The following PPM1L variants were observed in gnomAD, a reference collection of about 807,000 sequenced individuals.
PPM1L encodes protein phosphatase, Mg2+/Mn2+ dependent 1L, also known as protein phosphatase 1L.
In PPM1L, 13 loss-of-function variants were observed where a neutral mutation model predicts 31.4. The observed-to-expected ratio is 0.41, with a 90% CI of 0.27 to 0.66. The LOEUF is 0.66. Among genes scored for constraint, PPM1L ranks in the 30% least tolerant of loss-of-function variants. PPM1L has a pLI of 0.29. For synonymous variants in PPM1L, 184 were observed against 175.4 expected (o/e 1.05, Z -0.39); for missense variants, 326 against 453.7 (o/e 0.72, Z 2.56).
chr3:160,993,172 T>C (rs771361602), intron 2 of PPM1L, among the ~76,000 whole-genome samples: 11 of 152,168 alleles, frequency 7.2e-5, no homozygotes, highest in Non-Finnish European at 1.2e-4. Flanking sequence ...TTAGCTGATA[T>C]TATATGCTAA....
chr3:161,022,149 C>CCTTA, intron 2 of PPM1L: 1 of 661,496 alleles, frequency 1.5e-6, no homozygotes, highest in Non-Finnish European at 2.7e-6. Flanking sequence ...TTTTTTTTAC[C>CCTTA]CTTAGTTACT....
intron 1 of PPM1L, among the ~76,000 whole-genome samples, chr3:160,764,099 T>C (rs1006003833): frequency 6.6e-6 from 1 of 152,300 alleles, no homozygotes; most frequent in Admixed American, 6.5e-5. Context: ...TTTGGTGTAT[T>C]GCTTGCTGGT....
chr3:160,920,691 T>G (rs1035677112), intron 1 of PPM1L, among the ~76,000 whole-genome samples: 6 of 150,672 alleles, frequency 4.0e-5, no homozygotes, highest in Non-Finnish European at 8.9e-5. Context: ...AGAGTATTTG[T>G]TTCGGACAAT....
At chr3:160,769,512 AG>A (rs1715192644) in intron 1 of PPM1L, among the ~76,000 whole-genome samples, 1 of 152,154 alleles carries the variant, frequency 6.6e-6, no homozygotes, top group Admixed American at 6.5e-5. Flanking sequence ...TTGGTGCAAA[AG>A]TAATTGCAGT....
intron 1 of PPM1L, among the ~76,000 whole-genome samples, chr3:160,788,972 AT>A (rs945499300): frequency 2.6e-5 from 4 of 151,876 alleles, no homozygotes; most frequent in Non-Finnish European, 5.9e-5. Flanking sequence ...AATATACTTT[AT>A]TTTTGTAAGT....
intron 1 of PPM1L, among the ~76,000 whole-genome samples, chr3:160,848,139 A>C (rs1714139348): frequency 6.6e-6 from 1 of 152,198 alleles, no homozygotes; most frequent in South Asian, 2.1e-4. Flanking sequence ...ATATTTAATA[A>C]ATGTATTCTG....
At chr3:160,814,727 G>T (rs1474272628) in intron 1 of PPM1L, among the ~76,000 whole-genome samples, 2 of 146,788 alleles carry the variant, frequency 1.4e-5, no homozygotes, top group Non-Finnish European at 3.0e-5. Flanking sequence ...ATGTATACGT[G>T]TATATATGTA....
chr3:160,812,035 T>C (rs9839885), intron 1 of PPM1L, among the ~76,000 whole-genome samples: 93,840 of 152,044 alleles, frequency 0.62, 31,989 homozygotes, highest in East Asian at 0.94. Flanking sequence ...TGCTATTCTC[T>C]AGAGCTGGCT....
At chr3:160,996,415 TAA>T (rs377050786) in intron 2 of PPM1L, among the ~76,000 whole-genome samples, 183 of 152,072 alleles carry the variant, frequency 1.2e-3, no homozygotes, top group African/African-American at 4.2e-3. Flanking sequence ...AACGAGTGGA[TAA>T]AAAAAATTGT....
At position 160,881,554 on chromosome 3, in the gene PPM1L, G is replaced by C. The variant is rs180816420; in HGVS notation, c.400-80182G>C. 8.5e-4 allele frequency among the ~76,000 whole-genome samples: 130 copies of C among 152,228 alleles called. 1 individual carries two copies. Among genetic ancestry groups the C allele is most frequent in the Non-Finnish European group, 6.3e-4 (43 of 68,008 alleles). On this transcript the variant is annotated intron_variant, in intron 1 of 3. Transcript: ENST00000498165. ...TTTCTTAAGATGGTGGAATCCTCCA[G>C]CATGACTCCAGTTTTCGTTATTTTA...
intron 1 of PPM1L, among the ~76,000 whole-genome samples, chr3:160,779,253 CAG>C (rs1461053984): frequency 3.3e-5 from 5 of 152,130 alleles, no homozygotes; most frequent in African/African-American, 1.2e-4. Context: ...AGCTAGGTGT[CAG>C]TTCTGCTTTA....
intron 2 of PPM1L, among the ~76,000 whole-genome samples, chr3:161,010,866 G>T (rs571027723): frequency 6.6e-6 from 1 of 152,092 alleles, no homozygotes; most frequent in African/African-American, 2.4e-5. Flanking sequence ...CTTTGTAATG[G>T]GGTTGTTTTA....
intron 2 of PPM1L, among the ~76,000 whole-genome samples, chr3:161,064,241 C>T (rs756439584): frequency 3.4e-4 from 51 of 149,826 alleles, no homozygotes; most frequent in Non-Finnish European, 1.3e-4. Flanking sequence ...ATGGCATGCA[C>T]CTGTAGTCCC....
At chr3:160,883,978 G>A (rs867294265) in intron 1 of PPM1L, among the ~76,000 whole-genome samples, 4 of 151,930 alleles carry the variant, frequency 2.6e-5, no homozygotes, top group South Asian at 2.1e-4. Context: ...GCTGAGGTAG[G>A]AGGATTTCTT....
chr3:161,033,218 C>A (rs1336757376), intron 2 of PPM1L, among the ~76,000 whole-genome samples: 1 of 152,124 alleles, frequency 6.6e-6, no homozygotes, highest in Non-Finnish European at 1.5e-5. Context: ...AAAAATGTTT[C>A]ATGCTCATGG....
At chr3:161,052,749 G>A (rs1354746426) in intron 2 of PPM1L, among the ~76,000 whole-genome samples, 1 of 152,190 alleles carries the variant, frequency 6.6e-6, no homozygotes, top group Non-Finnish European at 1.5e-5. Flanking sequence ...TCAAAGGACA[G>A]GTTCATTTTA....
intron 2 of PPM1L, among the ~76,000 whole-genome samples, chr3:160,977,684 C>A (rs1716643407): frequency 6.6e-6 from 1 of 151,850 alleles, no homozygotes; most frequent in Non-Finnish European, 1.5e-5. Context: ...AATAATGTTA[C>A]AATAAAAATA....
chr3:160,945,149 C>G (rs1203193964), intron 1 of PPM1L, among the ~76,000 whole-genome samples: 1 of 96,562 alleles, frequency 1.0e-5, no homozygotes, highest in Non-Finnish European at 2.1e-5. Context: ...ATCTATCTAT[C>G]TATCTCCACT....
chr3:161,052,080 G>C (rs1288791179), intron 2 of PPM1L, among the ~76,000 whole-genome samples: 1 of 152,216 alleles, frequency 6.6e-6, no homozygotes, highest in Non-Finnish European at 1.5e-5. Context: ...GAGAGTTACT[G>C]TTCTCACTCA....
Sources: gnomAD v4.1 joint callset for allele counts (sites outside exome capture counted in the v4.1 genomes callset) on GRCh38, gnomAD v4.1.1 for gene constraint, MANE v1.5 for transcripts, NCBI Gene and HGNC (gene_info 2026-07-23, HGNC 2026-07-21) for gene names.